The following DCP1B variants were observed in gnomAD, a reference collection of about 807,000 sequenced individuals.
DCP1B encodes decapping mRNA 1B.
In DCP1B, 47 loss-of-function variants were observed where a neutral mutation model predicts 60.5. That is an observed-to-expected ratio of 0.78 (90% CI 0.61 to 0.99). The LOEUF (loss-of-function observed/expected upper bound fraction) is 0.99. Among genes scored for constraint, DCP1B ranks in the 50% least tolerant of loss-of-function variants. The pLI is 0.00. For missense variants in DCP1B, 725 were observed against 756.8 expected (o/e 0.96, Z 0.49); for synonymous variants, 267 against 280.3 (o/e 0.95, Z 0.47).
chr12:1,970,263 T>C (rs1467314634), intron 3 of DCP1B, among the ~76,000 whole-genome samples: 1 of 152,202 alleles, frequency 6.6e-6, no homozygotes, highest in Non-Finnish European at 1.5e-5. Flanking sequence ...GAGTTTGCAG[T>C]AATTATTTAA....
intron 2 of DCP1B, among the ~76,000 whole-genome samples, chr12:1,994,778 T>A (rs189889486): frequency 6.6e-6 from 1 of 152,234 alleles, no homozygotes; most frequent in African/African-American, 2.4e-5. Context: ...TCTTTAATAG[T>A]ACAGCTACTA....
intron 3 of DCP1B, among the ~76,000 whole-genome samples, chr12:1,981,790 T>A (rs902506864): frequency 1.1e-4 from 16 of 151,870 alleles, no homozygotes; most frequent in African/African-American, 3.9e-4. Flanking sequence ...TCCAGGGAGG[T>A]AAAGTTCCAG....
chr12:1,944,853 C>T (rs2030368241), downstream of DCP1B, among the ~76,000 whole-genome samples: 1 of 152,302 alleles, frequency 6.6e-6, no homozygotes, highest in South Asian at 2.1e-4. Context: ...CTAGGCAATA[C>T]CGTTCAGGAC....
intron 3 of DCP1B, among the ~76,000 whole-genome samples, chr12:1,984,265 T>C (rs1389166663): frequency 3.3e-5 from 5 of 152,008 alleles, no homozygotes; most frequent in Non-Finnish European, 7.4e-5. Flanking sequence ...AGGTCTACCG[T>C]TTTATTTTTT....
chr12:1,966,114 TCA>T (rs2031285981), intron 4 of DCP1B: 1 of 155,990 alleles, frequency 6.4e-6, no homozygotes, highest in Non-Finnish European at 1.4e-5. Flanking sequence ...TGCCAACTCC[TCA>T]CACAGTGCAT....
At chr12:1,959,124 C>T (rs1167734300) in intron 5 of DCP1B, among the ~76,000 whole-genome samples, 1 of 152,050 alleles carries the variant, frequency 6.6e-6, no homozygotes, top group Non-Finnish European at 1.5e-5. Flanking sequence ...TGGGCAATGA[C>T]TTTTTCTATA....
chr12:1,999,374 A>T (rs112096049), intron 1 of DCP1B, among the ~76,000 whole-genome samples: 4,168 of 152,326 alleles, frequency 0.027, 96 homozygotes, highest in Middle Eastern at 0.054. Flanking sequence ...GTAACAAAAT[A>T]TTTAATCTCA....
intron 3 of DCP1B, among the ~76,000 whole-genome samples, chr12:1,980,263 T>C (rs1209381000): frequency 1.3e-5 from 2 of 152,196 alleles, no homozygotes; most frequent in Admixed American, 6.5e-5. Context: ...AATGATGCAG[T>C]GGAGTACTAC....
chr12:1,986,698 C>A (rs1048939210), intron 3 of DCP1B, among the ~76,000 whole-genome samples: 1 of 151,716 alleles, frequency 6.6e-6, no homozygotes, highest in Non-Finnish European at 1.5e-5. Flanking sequence ...TGTGACTTGG[C>A]GCATTCTTGG....
At chr12:1,959,741 C>T (rs973082814) in intron 5 of DCP1B, among the ~76,000 whole-genome samples, 28 of 152,260 alleles carry the variant, frequency 1.8e-4, no homozygotes, top group African/African-American at 5.8e-4. Flanking sequence ...GGGCGGATCA[C>T]GAGGTCAGCA....
At chr12:2,000,468 A>AC (rs1417720860) in intron 1 of DCP1B, among the ~76,000 whole-genome samples, 1 of 147,878 alleles carries the variant, frequency 6.8e-6, no homozygotes, top group Non-Finnish European at 1.5e-5. Flanking sequence ...TCTTTTCTTA[A>AC]TTAAAAAAAA....
chr12:1,975,365 CT>C (rs33992737), intron 3 of DCP1B, among the ~76,000 whole-genome samples: 45,881 of 151,946 alleles, frequency 0.3, 7,167 homozygotes, highest in East Asian at 0.51. Context: ...AGTAAATTTA[CT>C]TTGATTCCAG....
chr12:2,002,943 T>A (rs2042520490), intron 1 of DCP1B, among the ~76,000 whole-genome samples: 1 of 152,098 alleles, frequency 6.6e-6, no homozygotes, highest in African/African-American at 2.4e-5. Context: ...GGTGACAAAT[T>A]CCCCTGGAAA....
chr12:1,986,667 A>ATT (rs71057813), intron 3 of DCP1B, among the ~76,000 whole-genome samples: 72 of 149,864 alleles, frequency 4.8e-4, no homozygotes, highest in African/African-American at 1.3e-3. Flanking sequence ...AGGTTTTGTT[A>ATT]TTTTTTTTTT....
chr12:1,958,435 A>G (rs1307274603), intron 5 of DCP1B, among the ~76,000 whole-genome samples: 350 of 65,262 alleles, frequency 5.4e-3, no homozygotes, highest in Middle Eastern at 8.2e-3. Context: ...CCTGGAAGGA[A>G]ACAGGGGAAA....
chr12:1,947,480 C>T (rs2030477664), intron 8 of DCP1B, among the ~76,000 whole-genome samples: 2 of 152,080 alleles, frequency 1.3e-5, no homozygotes, highest in Admixed American at 1.3e-4. Context: ...AGGTGTGGTA[C>T]ACGGGAAGAA....
intron 3 of DCP1B, among the ~76,000 whole-genome samples, chr12:1,973,972 T>C (rs1049507729): frequency 1.3e-5 from 2 of 152,188 alleles, no homozygotes; most frequent in African/African-American, 4.8e-5. Context: ...GTCCCAACTT[T>C]TTCTTTGCTC....
chr12:1,977,100 T>C (rs1286210416), intron 3 of DCP1B, among the ~76,000 whole-genome samples: 2 of 152,214 alleles, frequency 1.3e-5, no homozygotes, highest in Non-Finnish European at 2.9e-5. Context: ...CTTTTAACTT[T>C]CCAGATTGCT....
intron 5 of DCP1B, among the ~76,000 whole-genome samples, chr12:1,956,277 C>T (rs909340673): frequency 1.3e-5 from 2 of 152,208 alleles, no homozygotes; most frequent in African/African-American, 4.8e-5. Context: ...GGCAATGATA[C>T]TGGTGTCTAG....
Sources: gnomAD v4.1 joint callset for allele counts (sites outside exome capture counted in the v4.1 genomes callset) on GRCh38, gnomAD v4.1.1 for gene constraint, MANE v1.5 for transcripts, NCBI Gene and HGNC (gene_info 2026-07-23, HGNC 2026-07-21) for gene names.